SUMO3: variants seen among roughly 807,000 people sequenced by gnomAD.
SUMO3 encodes the protein small ubiquitin-related modifier 3.
In SUMO3, 2 loss-of-function variants were observed where a neutral mutation model predicts 11.1. The ratio of observed to expected loss-of-function variants is 0.18; its 90% CI spans 0.07 to 0.57. The LOEUF (loss-of-function observed/expected upper bound fraction) is 0.57. SUMO3 is among the 20% of genes least tolerant of loss of function. SUMO3 has a pLI of 0.92. For missense variants in SUMO3, 70 were observed against 132.8 expected (o/e 0.53, Z 2.32); for synonymous variants, 56 against 53.5 (o/e 1.05, Z -0.20).
intron 2 of SUMO3, among the ~76,000 whole-genome samples, chr21:44,812,681 G>A (rs774560624): frequency 3.3e-5 from 5 of 152,222 alleles, no homozygotes; most frequent in Admixed American, 1.3e-4. Context: ...CCTGGACCAC[G>A]GCTGAGCAGC....
chr21:44,805,803 T>TA lies in SUMO3; in HGVS notation c.*1147dup, dbSNP rs2083172637. ...TGATGGGTCATTGTTCAGGTGACTG[T>TA]AAAAAGGCAGAGAATGGCCACCAAG... On this transcript the variant is annotated 3_prime_UTR_variant, in exon 4 of 4. Transcript: ENST00000332859. The TA allele has an allele frequency of 1.3e-5, 2 of 152,554 alleles. No homozygotes were observed. Among genetic ancestry groups the TA allele is most frequent in the African/African-American group, 4.8e-5 (2 of 41,394 alleles). The allele number at this position is 152,554 out of a possible 1,614,324, so 9.5% of individuals were successfully genotyped here.
intron 1 of SUMO3, among the ~76,000 whole-genome samples, chr21:44,817,233 C>A (rs1428997199): frequency 7.0e-6 from 1 of 142,468 alleles, no homozygotes. Context: ...CACCGGGGGA[C>A]GCGATGGAGG....
Position 44,809,126 on chromosome 21 carries a change from G to C in SUMO3, c.151-8C>G. The C allele has an allele frequency of 6.2e-7, 1 of 1,613,818 alleles. No individual in the cohort carries two copies. The highest frequency in any genetic ancestry group is 8.5e-7 in the Non-Finnish European group (1 of 1,179,810). On this transcript the variant is annotated splice_region_variant and splice_polypyrimidine_tract_variant and intron_variant, in intron 2 of 3. Coordinates refer to ENST00000332859, the MANE Select transcript of SUMO3 (RefSeq NM_006936.3). ...CTGCCTCATTGACAAGCCCTGGAAA[G>C]GAAAAGCAGTGGCCATTAGTCTCAC...
At chr21:44,816,776 C>T (rs1033525392) in intron 1 of SUMO3, among the ~76,000 whole-genome samples, 1 of 151,896 alleles carries the variant, frequency 6.6e-6, no homozygotes, top group Non-Finnish European at 1.5e-5. Flanking sequence ...ATGGGGGAGA[C>T]TAAAGCCCAC....
chr21:44,812,062 T>C (rs1183202561), intron 2 of SUMO3, among the ~76,000 whole-genome samples: 1 of 138,982 alleles, frequency 7.2e-6, no homozygotes, highest in Non-Finnish European at 1.6e-5. Flanking sequence ...CCTTTTTTTT[T>C]TTTTTTTTTT....
At chr21:44,808,509 C>G in intron 3 of SUMO3, 1 of 1,436,206 alleles carries the variant, frequency 7.0e-7, no homozygotes. Context: ...AGCGAGACTC[C>G]GTCTCAAAAA....
chr21:44,808,500 GC>G (rs1287198340), intron 3 of SUMO3: 6 of 1,444,598 alleles, frequency 4.2e-6, no homozygotes, highest in Non-Finnish European at 5.5e-6. Context: ...GGGCAACAAA[GC>G]GAGACTCCGT....
Position 44,811,993 on chromosome 21 carries a change from C to T in SUMO3, c.150+1983G>A, listed in dbSNP as rs1353504440. On this transcript the variant is annotated intron_variant, in intron 2 of 3. Transcript: ENST00000332859. The surrounding 1 kb of genome is among the most constrained non-coding windows in gnomAD (Gnocchi z 5.0). Reference sequence around the variant, plus strand: ...TGCCAGAATATGGTCCCAGATACTTCCAGGGAAAAACCAAGTTACAAACAA... The same window carrying T: ...TGCCAGAATATGGTCCCAGATACTTTCAGGGAAAAACCAAGTTACAAACAA... 6.7e-6 allele frequency among the ~76,000 whole-genome samples: 1 copy of T among 149,876 alleles called. No homozygotes were observed. Among genetic ancestry groups the T allele is most frequent in the Non-Finnish European group, 1.5e-5 (1 of 67,656 alleles).
In SUMO3 at chr21:44,806,676, G is replaced by A. The variant is rs138672270; in HGVS notation, c.*275C>T. The A allele has an allele frequency of 2.9e-5, 20 of 691,470 alleles. No individual in the cohort carries two copies. The highest frequency in any genetic ancestry group is 7.6e-5 in the Admixed American group (2 of 26,360). 42.8% of individuals were successfully genotyped at this position (691,470 alleles called of 1,614,324 possible). On this transcript the variant is annotated 3_prime_UTR_variant, in exon 4 of 4. Transcript: ENST00000332859. ...TGGGGTTAAAAAAATGTTGTAGGAG[G>A]GGGGGAAAACACAAATGAGCACACA...
In SUMO3 at chr21:44,811,249, TA is replaced by T. The variant is rs1601214428; in HGVS notation, c.151-2132del. Among the ~76,000 whole-genome samples the T allele has an allele frequency of 6.6e-6, 1 of 151,994 alleles. No individual in the cohort carries two copies. The highest frequency in any genetic ancestry group is 6.6e-5 in the Admixed American group (1 of 15,240). On this transcript the variant is annotated intron_variant, in intron 2 of 3. Coordinates refer to ENST00000332859, the MANE Select transcript of SUMO3 (RefSeq NM_006936.3). The surrounding 1 kb of genome is among the most constrained non-coding windows in gnomAD (Gnocchi z 5.0). ...CTCACGATTCAAATTCTATGGGAAGTAAAAAATACTACTACCTTCAGAAAAC... is the reference window on the plus strand; with the variant it reads ...CTCACGATTCAAATTCTATGGGAAGTAAAAATACTACTACCTTCAGAAAAC...
intron 2 of SUMO3, among the ~76,000 whole-genome samples, chr21:44,812,539 G>A (rs1258973156): frequency 6.6e-6 from 1 of 152,184 alleles, no homozygotes; most frequent in African/African-American, 2.4e-5. Flanking sequence ...TCTCAAAGAC[G>A]CTGCCCTTCT....
chr21:44,813,271 G>C (rs1333029829), intron 2 of SUMO3, among the ~76,000 whole-genome samples: 1 of 152,146 alleles, frequency 6.6e-6, no homozygotes. Flanking sequence ...CTGGCTGCAG[G>C]GCCGGGCCCC....
intron 3 of SUMO3, 70 bp downstream of exon 3, chr21:44,808,977 G>C (rs554730426): frequency 4.7e-6 from 6 of 1,275,754 alleles, no homozygotes; most frequent in Admixed American, 1.7e-5. Context: ...TCAAATAAGC[G>C]TATCCCAAAT....
chr21:44,814,210 C>T, intron 1 of SUMO3, 106 bp from the exon 2 acceptor site: 1 of 1,415,040 alleles, frequency 7.1e-7, no homozygotes, highest in African/African-American at 1.4e-5. Flanking sequence ...TCATCAAAAC[C>T]AACCTAATTC....
rs1196979934 is a variant in SUMO3 at position 44,811,408 on chromosome 21, C to T, written c.151-2290G>A. On this transcript the variant is annotated intron_variant, in intron 2 of 3. Coordinates refer to ENST00000332859, the MANE Select transcript of SUMO3 (RefSeq NM_006936.3). The surrounding 1 kb of genome is among the most constrained non-coding windows in gnomAD (Gnocchi z 5.0). ...GGACCACATAAGGAGACCCCATCTC[C>T]ACAAAATAAAAAAATGAGCCAGGCG... Among the ~76,000 whole-genome samples the T allele has an allele frequency of 6.6e-6, 1 of 151,904 alleles. No homozygotes were observed. The highest frequency in any genetic ancestry group is 2.4e-5 in the African/African-American group (1 of 41,330).
intron 3 of SUMO3, chr21:44,808,682 C>T (rs970818576): frequency 5.2e-6 from 7 of 1,357,888 alleles, no homozygotes; most frequent in South Asian, 1.8e-5. Flanking sequence ...GTCACTTGTG[C>T]AAGATGCTTA....
Position 44,806,835 on chromosome 21 carries a change from A to G in SUMO3, c.*116T>C. Reference sequence around the variant, plus strand: ...ACTTGAAGTACATCAAAGAGAGGAAAATCATCGTGGTGAATGTCCTCGAGT... The same window carrying G: ...ACTTGAAGTACATCAAAGAGAGGAAGATCATCGTGGTGAATGTCCTCGAGT... On this transcript the variant is annotated 3_prime_UTR_variant, in exon 4 of 4. Transcript: ENST00000332859. The G allele has an allele frequency of 6.7e-7, 1 of 1,496,796 alleles. No individual in the cohort carries two copies. The highest frequency in any genetic ancestry group is 1.3e-5 in the South Asian group (1 of 76,270). 92.7% of individuals were successfully genotyped at this position (1,496,796 alleles called of 1,614,324 possible). A position where few individuals can be genotyped will look rare whatever the true frequency, so the allele number is the denominator to read the frequency against.
chr21:44,813,922 G>A (rs772137415), intron 2 of SUMO3, 54 bp downstream of exon 2: 21 of 1,602,184 alleles, frequency 1.3e-5, no homozygotes, highest in East Asian at 2.2e-5. Context: ...TGCCTGGAAC[G>A]CACAGGACCA....
chr21:44,813,534 C>T (rs756147512), intron 2 of SUMO3: 4 of 380,882 alleles, frequency 1.1e-5, no homozygotes, highest in Admixed American at 8.0e-5. Context: ...AAAACCACAC[C>T]GCACATGAGG....
Sources: gnomAD v4.1 joint callset for allele counts (sites outside exome capture counted in the v4.1 genomes callset) on GRCh38, gnomAD v4.1.1 for gene constraint, Gnocchi (gnomAD v3.1) non-coding constraint, MANE v1.5 for transcripts, NCBI Gene and HGNC (gene_info 2026-07-23, HGNC 2026-07-21) for gene names.